The following CPA5 variants were observed in gnomAD, a reference collection of about 807,000 sequenced individuals.
CPA5 encodes the protein testicular tissue protein Li 32.
In CPA5, 38 loss-of-function variants were observed where a neutral mutation model predicts 52.2. The ratio of observed to expected loss-of-function variants is 0.73; its 90% CI spans 0.56 to 0.95. The LOEUF is 0.95. CPA5 is among the 40% of genes least tolerant of loss of function. The pLI, the probability that CPA5 is intolerant of heterozygous loss-of-function variation, is 0.00. For missense variants in CPA5, 519 were observed against 566.7 expected (o/e 0.92, Z 0.86); for synonymous variants, 198 against 213.7 (o/e 0.93, Z 0.64).
At chr7:130,348,441 G>A (rs532137480) in intron 4 of CPA5, among the ~76,000 whole-genome samples, 23 of 152,268 alleles carry the variant, frequency 1.5e-4, no homozygotes, top group Non-Finnish European at 2.1e-4. Context: ...TGAGTGTCCC[G>A]TCGACTGGGA....
intron 10 of CPA5, among the ~76,000 whole-genome samples, chr7:130,366,898 G>T (rs1796117386): frequency 6.6e-6 from 1 of 152,212 alleles, no homozygotes; most frequent in South Asian, 2.1e-4. Flanking sequence ...AAGCCGAGGG[G>T]GCTCCCTGCA....
intron 3 of CPA5, 24 bp downstream of exon 3, chr7:130,346,625 A>G: frequency 6.3e-7 from 1 of 1,589,470 alleles, no homozygotes; most frequent in Non-Finnish European, 8.6e-7. Context: ...CCACAGTGGG[A>G]GGGAGGACTG....
chr7:130,361,010 TTAGACCCTCGAGGG>T, intron 6 of CPA5, 119 bp from the exon 7 acceptor site: 1 of 623,238 alleles, frequency 1.6e-6, no homozygotes. Context: ...CTGGGTTCTT[TTAGACCCTCGAGGG>T]TCTAAATACC....
At chr7:130,355,633 C>T (rs1258982637) in intron 5 of CPA5, among the ~76,000 whole-genome samples, 5 of 152,184 alleles carry the variant, frequency 3.3e-5, no homozygotes, top group Admixed American at 6.5e-5. Flanking sequence ...TCTTGAACTC[C>T]GGAGGCCTCA....
At chr7:130,370,398 G>A (rs1796283656), downstream of CPA5, among the ~76,000 whole-genome samples, 1 of 152,122 alleles carries the variant, frequency 6.6e-6, no homozygotes, top group Non-Finnish European at 1.5e-5. Flanking sequence ...GTTTTCTGCT[G>A]CTAGTGGAAA....
At chr7:130,347,685 C>T (rs1326456432) in intron 3 of CPA5, 81 bp from the exon 4 acceptor site, 3 of 1,229,866 alleles carry the variant, frequency 2.4e-6, no homozygotes, top group Non-Finnish European at 3.6e-6. Context: ...GGCCTCTGCT[C>T]CACTCTGCCC....
At chr7:130,356,951 C>T (rs1240002727) in intron 5 of CPA5, among the ~76,000 whole-genome samples, 1 of 152,182 alleles carries the variant, frequency 6.6e-6, no homozygotes, top group Non-Finnish European at 1.5e-5. Context: ...TCATGGTAGG[C>T]TGTTGAGATT....
chr7:130,346,199 C>A (rs531335308), intron 2 of CPA5, among the ~76,000 whole-genome samples, 194 bp from the exon 3 acceptor site: 16 of 152,166 alleles, frequency 1.1e-4, no homozygotes, highest in Non-Finnish European at 2.4e-4. Context: ...AGCTTTGATG[C>A]TCACAAGGGG....
At chr7:130,364,120 T>A (rs567057650) in intron 10 of CPA5, among the ~76,000 whole-genome samples, 34 of 152,284 alleles carry the variant, frequency 2.2e-4, no homozygotes, top group Non-Finnish European at 4.6e-4. Context: ...CTTGACCTCC[T>A]GGGCTCAGGT....
Position 130,367,954 on chromosome 7 carries a change from A to T in CPA5, c.1087A>T (p.Ile363Phe). 1 of 1,614,156 alleles carries T rather than the reference A, an allele frequency of 6.2e-7. No individual in the cohort carries two copies. The highest frequency in any genetic ancestry group is 8.5e-7 in the Non-Finnish European group (1 of 1,180,016). The change falls in exon 12 of 13, where the codon ATC (isoleucine) becomes TTC (phenylalanine). Residue 363 changes from isoleucine (I) to phenylalanine (F), a missense_variant. Ile to Phe is a conservative substitution (Grantham distance 21, BLOSUM62 0). Coordinates refer to ENST00000474905, the MANE Select transcript of CPA5 (RefSeq NM_080385.5). ...AVEALYKVHG[I>F]EYIFGSISTT... ...GGAGGCCTTGTATAAGGTCCATGGG[A>T]TCGAGTACATTTTTGGCAGCATCAG...
At chr7:130,348,442 T>A (rs2117292491) in intron 4 of CPA5, among the ~76,000 whole-genome samples, 1 of 152,348 alleles carries the variant, frequency 6.6e-6, no homozygotes, top group Middle Eastern at 3.4e-3. Context: ...GAGTGTCCCG[T>A]CGACTGGGAC....
intron 5 of CPA5, among the ~76,000 whole-genome samples, chr7:130,353,953 C>T (rs1356208159): frequency 2.0e-5 from 3 of 152,220 alleles, no homozygotes; most frequent in African/African-American, 4.8e-5. Flanking sequence ...GACAAGATCT[C>T]ACTCTGTTGT....
At chr7:130,355,232 C>T (rs1795406308) in intron 5 of CPA5, among the ~76,000 whole-genome samples, 1 of 152,180 alleles carries the variant, frequency 6.6e-6, no homozygotes, top group Non-Finnish European at 1.5e-5. Context: ...TTGTAATGCT[C>T]CATCACAGAG....
At chr7:130,357,032 G>A (rs549662728) in intron 5 of CPA5, among the ~76,000 whole-genome samples, 79 of 152,340 alleles carry the variant, frequency 5.2e-4, no homozygotes, top group Non-Finnish European at 7.9e-4. Flanking sequence ...TGAAGGGCCA[G>A]AGAGGACCGG....
intron 6 of CPA5, among the ~76,000 whole-genome samples, chr7:130,360,263 C>T (rs898545881): frequency 2.6e-5 from 4 of 152,262 alleles, no homozygotes; most frequent in Admixed American, 2.0e-4. Context: ...GGGCTCTCAG[C>T]CCGTGACCAG....
downstream of CPA5, among the ~76,000 whole-genome samples, chr7:130,373,287 G>GTT (rs201294125): frequency 4.2e-5 from 6 of 142,146 alleles, no homozygotes; most frequent in Non-Finnish European, 3.1e-5. Context: ...CTTGCTGGTG[G>GTT]TTTTTTTTTT....
downstream of CPA5, among the ~76,000 whole-genome samples, chr7:130,371,516 G>A (rs1554409923): frequency 6.6e-6 from 1 of 151,976 alleles, no homozygotes; most frequent in East Asian, 1.9e-4. Context: ...CCAGATCTCT[G>A]TACAGCCATT....
At chr7:130,370,334 T>C (rs1307143618), downstream of CPA5, among the ~76,000 whole-genome samples, 1 of 58,036 alleles carries the variant, frequency 1.7e-5, no homozygotes, top group African/African-American at 6.8e-5. Flanking sequence ...CACAGGAGAC[T>C]TTTTTTTTTT....
intron 5 of CPA5, among the ~76,000 whole-genome samples, chr7:130,354,670 T>A (rs1421926810): frequency 4.6e-5 from 7 of 152,178 alleles, no homozygotes; most frequent in Admixed American, 4.6e-4. Context: ...TGCCTCAGCC[T>A]CCCAAAGTGC....
Sources: gnomAD v4.1 joint callset for allele counts (sites outside exome capture counted in the v4.1 genomes callset) on GRCh38, gnomAD v4.1.1 for gene constraint, MANE v1.5 for transcripts, NCBI Gene and HGNC (gene_info 2026-07-23, HGNC 2026-07-21) for gene names.